ZNF469: variants seen among roughly 807,000 people sequenced by gnomAD.
ZNF469 encodes the protein zinc finger protein 469.
ZNF469 carries 1 observed loss-of-function variant against 1.0 expected under a neutral mutation model. The observed-to-expected ratio is 1.00, with a 90% CI of 0.35 to 4.73. The LOEUF (loss-of-function observed/expected upper bound fraction) is 4.73, where lower values mean the gene tolerates loss of function less well. Ranked by LOEUF, ZNF469 falls within the 30% of genes most tolerant of loss-of-function variation. ZNF469 has a pLI of 0.16. For missense variants in ZNF469, 6,100 were observed against 5,356.3 expected, an observed-to-expected ratio of 1.14 and a Z score of -4.33; for synonymous variants, 2,703 against 2,363.4, an observed-to-expected ratio of 1.14 and a Z score of -4.17.
chr16:88,181,626 A>G, the ZNF469 span, among the ~76,000 whole-genome samples: 1 of 152,248 alleles, frequency 6.6e-6, no homozygotes, highest in East Asian at 1.9e-4. Context: ...AAGAAAATAC[A>G]TATGACAATT....
the ZNF469 span, among the ~76,000 whole-genome samples, chr16:88,214,626 G>C: frequency 6.6e-6 from 1 of 152,050 alleles, no homozygotes; most frequent in Admixed American, 6.6e-5. Context: ...TCTACATTAG[G>C]TATTTCTCCT....
In ZNF469 at chr16:88,432,153, A is replaced by G. The variant is rs1307303343; in HGVS notation, c.4683A>G (p.Glu1561=). 3.3e-5 allele frequency: 51 copies of G among 1,550,334 alleles called. No individual in the cohort carries two copies. The highest frequency in any genetic ancestry group is 4.4e-5 in the Non-Finnish European group (51 of 1,146,978). ...TTATGAGTCACCTGTCCGAGGATGA[A>G]CTGGAGATCCAGAAATTGGTCACCG... ...VALMSHLSED[E]LEIQKLVTEL... The change falls in exon 3 of 3, where the codon GAA becomes GAG. Residue 1561 remains glutamate, a synonymous_variant. Transcript: ENST00000565624.
rs1163371418 is a variant in ZNF469, at chr16:88,430,708, C to T, written c.3238C>T (p.Pro1080Ser). 3.4e-6 allele frequency: 5 copies of T among 1,481,556 alleles called. No individual in the cohort carries two copies. Among genetic ancestry groups the T allele is most frequent in the Admixed American group, 4.7e-5 (2 of 42,770 alleles). The allele number at this position is 1,481,556 out of a possible 1,614,324, so 91.8% of individuals were successfully genotyped here. ...GRCGSLAAGRPRPGAEDRRLR... is the reference protein window; with the variant it reads ...GRCGSLAAGRSRPGAEDRRLR... ...GTGCGGCTCCCTGGCGGCGGGGAGG[C>T]CCCGGCCCGGAGCTGAGGACCGCAG... The change falls in exon 3 of 3, where the codon CCC becomes TCC. Residue 1080 changes from proline to serine, a missense_variant. Coordinates refer to ENST00000565624, the MANE Select transcript of ZNF469 (RefSeq NM_001367624.2).
the ZNF469 span, among the ~76,000 whole-genome samples, chr16:88,226,883 C>T: frequency 5.3e-5 from 8 of 152,092 alleles, no homozygotes; most frequent in South Asian, 6.2e-4. Context: ...AATCACGCAC[C>T]ACAGGCTGCA....
At chr16:88,305,991 C>T in the ZNF469 span, among the ~76,000 whole-genome samples, 5 of 152,240 alleles carry the variant, frequency 3.3e-5, no homozygotes, top group Admixed American at 2.6e-4. Context: ...CACATGTACA[C>T]ATCCCCACAC....
Position 88,431,194 on chromosome 16 carries a change from A to G in ZNF469, c.3724A>G (p.Thr1242Ala). Reference protein sequence around the residue: ...EESAPDSTEFTEALRSPPAAC... With the variant: ...EESAPDSTEFAEALRSPPAAC... ...GTCAGCCCCGGACAGCACAGAATTC[A>G]CAGAGGCTTTGCGTTCTCCTCCAGC... is the stretch of plus-strand genomic sequence containing the variant. The change falls in exon 3 of 3, where the codon ACA (threonine) becomes GCA (alanine). Residue 1242 changes from threonine to alanine, a missense_variant. Coordinates refer to ENST00000565624, the MANE Select transcript of ZNF469 (RefSeq NM_001367624.2). The G allele has an allele frequency of 1.9e-6, 3 of 1,550,326 alleles. No homozygotes were observed. Among genetic ancestry groups the G allele is most frequent in the Non-Finnish European group, 2.6e-6 (3 of 1,146,966 alleles).
the ZNF469 span, among the ~76,000 whole-genome samples, chr16:88,305,546 G>T: frequency 1.9e-4 from 18 of 95,376 alleles, no homozygotes; most frequent in Admixed American, 1.5e-3. Context: ...AGGCACACAT[G>T]TGTGCACACC....
chr16:88,186,447 G>A, the ZNF469 span, among the ~76,000 whole-genome samples: 2 of 152,214 alleles, frequency 1.3e-5, no homozygotes, highest in East Asian at 3.9e-4. Context: ...ATCGTGCGCT[G>A]GGGGAAGGTG....
At chr16:88,126,287 C>A in the ZNF469 span, among the ~76,000 whole-genome samples, 99 of 147,502 alleles carry the variant, frequency 6.7e-4, no homozygotes, top group African/African-American at 2.4e-3. Flanking sequence ...CTCCTGCATG[C>A]TTTTTATTGT....
Position 88,429,341 on chromosome 16 carries a change from A to G in ZNF469, c.1871A>G (p.Gln624Arg), listed in dbSNP as rs1463429935. The change falls in exon 3 of 3, where the codon CAG becomes CGG. Residue 624 changes from glutamine (Q) to arginine (R), a missense_variant. Physicochemically the swap from Gln to Arg is conservative, Grantham distance 43. Transcript: ENST00000565624. ...SPANPSSEES[Q>R]LPGPLGPSAF... ...GCCAACCCCAGCTCAGAGGAAAGCC[A>G]GCTCCCCGGCCCCCTCGGGCCCTCG... 15 of 1,549,766 alleles carry G rather than the reference A, an allele frequency of 9.7e-6. No homozygotes were observed. The Admixed American group carries it at 2.7e-4, about 28-fold the overall frequency.
At position 88,437,434 on chromosome 16, in the gene ZNF469, C is replaced by A. The variant is rs988733189; in HGVS notation, c.9964C>A (p.Leu3322Ile). The A allele has an allele frequency of 1.2e-5, 18 of 1,523,270 alleles. No individual in the cohort carries two copies. The highest frequency in any genetic ancestry group is 1.6e-5 in the Non-Finnish European group (18 of 1,131,656). The allele number at this position is 1,523,270 out of a possible 1,614,324, so 94.4% of individuals were successfully genotyped here. A position where few individuals can be genotyped will look rare whatever the true frequency, so the allele number is the denominator to read the frequency against. The change falls in exon 3 of 3, where the codon CTC becomes ATC. Residue 3322 changes from leucine (L) to isoleucine (I), a missense_variant. Transcript: ENST00000565624. ...SPDPWAGGEP[L>I]LQATPVHEAC... is the part of the protein sequence containing the mutation. ...CGACCCCTGGGCCGGCGGGGAGCCC[C>A]TCCTGCAAGCCACCCCGGTGCACGA...
chr16:88,338,037 C>T, the ZNF469 span, among the ~76,000 whole-genome samples: 14 of 152,354 alleles, frequency 9.2e-5, no homozygotes, highest in Admixed American at 2.0e-4. Context: ...CTTTCGGTGA[C>T]ACATCTACGA....
At chr16:88,298,782 A>C in the ZNF469 span, among the ~76,000 whole-genome samples, 1 of 151,962 alleles carries the variant, frequency 6.6e-6, no homozygotes, top group Admixed American at 6.6e-5. Flanking sequence ...CGTGCATTCC[A>C]TCCTTAAATA....
In ZNF469 at chr16:88,428,341, G is replaced by A. The variant is rs896587785; in HGVS notation, c.871G>A (p.Asp291Asn). The A allele has an allele frequency of 3.2e-6, 5 of 1,549,592 alleles. No individual in the cohort carries two copies. Among genetic ancestry groups the A allele is most frequent in the Non-Finnish European group, 4.4e-6 (5 of 1,146,944 alleles). ...HGASTKPFPA[D>N]VAGHAFTNGP... Reference sequence around the variant, plus strand: ...GGCCAGCACAAAACCCTTCCCTGCGGATGTGGCTGGGCACGCATTCACCAA... The same window carrying A: ...GGCCAGCACAAAACCCTTCCCTGCGAATGTGGCTGGGCACGCATTCACCAA... The change falls in exon 3 of 3, where the codon GAT becomes AAT. Residue 291 changes from aspartate (D) to asparagine (N), a missense_variant. Transcript: ENST00000565624.
At chr16:88,224,382 G>A in the ZNF469 span, among the ~76,000 whole-genome samples, 5 of 152,222 alleles carry the variant, frequency 3.3e-5, no homozygotes, top group African/African-American at 4.8e-5. Context: ...GGTTTTTAAC[G>A]TCACTGTTGG....
the ZNF469 span, among the ~76,000 whole-genome samples, chr16:88,299,320 G>A: frequency 6.6e-6 from 1 of 152,082 alleles, no homozygotes; most frequent in African/African-American, 2.4e-5. Flanking sequence ...CAGCAGGAGA[G>A]GGCTTCCTGA....
the ZNF469 span, among the ~76,000 whole-genome samples, chr16:88,242,711 C>T: frequency 6.6e-6 from 1 of 152,274 alleles, no homozygotes; most frequent in Non-Finnish European, 1.5e-5. Context: ...TGAGGGTCAG[C>T]CTGGTTCCCA....
chr16:88,229,490 G>T, the ZNF469 span, among the ~76,000 whole-genome samples: 1 of 152,204 alleles, frequency 6.6e-6, no homozygotes, highest in Non-Finnish European at 1.5e-5. Context: ...TGCGGTGCTT[G>T]TGCTAGTCCT....
rs919747802 is a variant in ZNF469 at position 88,427,457 on chromosome 16, A to T, written c.-14A>T. On this transcript the variant is annotated 5_prime_UTR_variant, in exon 3 of 3. Transcript: ENST00000565624. ...CGGACAGCTGCGTCGTCCTAGCGCC[A>T]GGACGGAGGGGCCATGCCTGGGGAG... 6.7e-7 allele frequency: 1 copy of T among 1,486,040 alleles called. No individual in the cohort carries two copies. The highest frequency in any genetic ancestry group is 8.9e-7 in the Non-Finnish European group (1 of 1,120,002). The allele number at this position is 1,486,040 out of a possible 1,614,324, so 92.1% of individuals were successfully genotyped here.
Sources: gnomAD v4.1 joint callset for allele counts (sites outside exome capture counted in the v4.1 genomes callset) on GRCh38, gnomAD v4.1.1 for gene constraint, MANE v1.5 for transcripts, NCBI Gene and HGNC (gene_info 2026-07-23, HGNC 2026-07-21) for gene names.